The following KRAS variants were observed in gnomAD, a reference collection of about 807,000 sequenced individuals.
KRAS encodes the protein KRas proto-oncogene, GTPase.
KRAS carries 1 observed loss-of-function variant against 21.0 expected under a neutral mutation model. The ratio of observed to expected loss-of-function variants is 0.05; its 90% CI spans 0.02 to 0.23. KRAS has a LOEUF of 0.23. Among genes scored for constraint, KRAS ranks in the 10% least tolerant of loss-of-function variants. The probability of loss-of-function intolerance (pLI) is 1.00; values close to 1 mark genes in which losing one functional copy is unlikely to be tolerated. For synonymous variants in KRAS, 67 were observed against 72.5 expected, an observed-to-expected ratio of 0.92 and a Z score of 0.39; for missense variants, 107 against 221.8, an observed-to-expected ratio of 0.48 and a Z score of 3.29.
intron 2 of KRAS, among the ~76,000 whole-genome samples, chr12:25,243,420 G>A (rs2135803646): frequency 6.6e-6 from 1 of 152,326 alleles, no homozygotes; most frequent in South Asian, 2.1e-4. Flanking sequence ...GAAATCATAA[G>A]CAGAGTTATA....
chr12:25,227,103 T>C lies in KRAS; in HGVS notation c.290+131A>G. 1.7e-5 allele frequency: 10 copies of C among 600,404 alleles called. No homozygotes were observed. In the Middle Eastern group the frequency reaches 3.7e-3, roughly 224 times the overall value. The allele number at this position is 600,404 out of a possible 1,614,324, so 37.2% of individuals were successfully genotyped here. ...AAGAACTTCATTTATAAAACAGGGA[T>C]ATTACCTACCTCATAAACATTATTT... On this transcript the variant is annotated intron_variant, in intron 3 of 4. Transcript: ENST00000311936.
chr12:25,246,732 C>T (rs535056277), intron 1 of KRAS, among the ~76,000 whole-genome samples: 2 of 151,624 alleles, frequency 1.3e-5, no homozygotes, highest in African/African-American at 2.4e-5. Flanking sequence ...CTGGCTAACC[C>T]GGTGAAACCC....
intron 3 of KRAS, 123 bp from the exon 4 acceptor site, chr12:25,225,896 C>T (rs1951386529): frequency 2.3e-6 from 2 of 853,556 alleles, no homozygotes; most frequent in African/African-American, 1.7e-5. Context: ...GTTTCCACTA[C>T]ACCAAATTTT....
rs539975727 is a variant in KRAS at position 25,242,594 on chromosome 12, C to T, written c.111+2680G>A. 1.1e-4 allele frequency among the ~76,000 whole-genome samples: 17 copies of T among 152,266 alleles called. No homozygotes were observed. In the South Asian group the frequency reaches 3.5e-3, roughly 32 times the overall value. On this transcript the variant is annotated intron_variant, in intron 2 of 4. Transcript: ENST00000311936. ...ATACAAGTAAAGGTGATTATGTGCA[C>T]AGCCTCGAATACAAACATACTCCAT...
intron 2 of KRAS, among the ~76,000 whole-genome samples, chr12:25,233,391 A>T (rs1951501211): frequency 6.6e-6 from 1 of 152,160 alleles, no homozygotes; most frequent in African/African-American, 2.4e-5. Flanking sequence ...TCAAAAATAC[A>T]AAAAATACAA....
chr12:25,206,993 T>A lies in KRAS; in HGVS notation c.*2802A>T, dbSNP rs186623679. On this transcript the variant is annotated 3_prime_UTR_variant, in exon 5 of 5. Coordinates refer to ENST00000311936, the MANE Select transcript of KRAS (RefSeq NM_004985.5). ...AATGAAGTGATTTACATAAAGTAGCTTGATCGAAGAGTTTCAGTGGAATCG... is the reference window on the plus strand; with the variant it reads ...AATGAAGTGATTTACATAAAGTAGCATGATCGAAGAGTTTCAGTGGAATCG... 4.8e-6 allele frequency: 1 copy of A among 206,720 alleles called. No individual in the cohort carries two copies. The highest frequency in any genetic ancestry group is 5.9e-5 in the Admixed American group (1 of 16,842). The allele number at this position is 206,720 out of a possible 1,614,324, so 12.8% of individuals were successfully genotyped here.
chr12:25,245,473 C>T, intron 1 of KRAS, 78 bp from the exon 2 acceptor site: 1 of 1,354,638 alleles, frequency 7.4e-7, no homozygotes, highest in South Asian at 1.3e-5. Flanking sequence ...AAATACTCCA[C>T]CAGTACCTTT....
rs2141506296 is a variant in KRAS at position 25,225,724 on chromosome 12, C to T, written c.340G>A (p.Val114Ile). The T allele has an allele frequency of 6.2e-7, 1 of 1,613,152 alleles. No individual in the cohort carries two copies. Among genetic ancestry groups the T allele is most frequent in the African/African-American group, 1.3e-5 (1 of 74,988 alleles). The change falls in exon 4 of 5, where the codon GTA (valine) becomes ATA (isoleucine). Residue 114 changes from valine (V) to isoleucine (I), a missense_variant. Physicochemically the swap from Val to Ile is conservative, Grantham distance 29 (BLOSUM62 3). Around this residue, in one of 2 missense-constraint regions of KRAS, gnomAD observed 42 missense variants for 139.4 expected, o/e 0.30. Coordinates refer to ENST00000311936, the MANE Select transcript of KRAS (RefSeq NM_004985.5). ...GAAGGCAAATCACATTTATTTCCTA[C>T]TAGGACCATAGGTACATCTTCAGAG... is the stretch of plus-strand genomic sequence containing the variant. ...KDSEDVPMVL[V>I]GNKCDLPSRT...
At chr12:25,247,527 A>C (rs1951699661) in intron 1 of KRAS, among the ~76,000 whole-genome samples, 1 of 152,186 alleles carries the variant, frequency 6.6e-6, no homozygotes, top group African/African-American at 2.4e-5. Context: ...GCAATTAGGA[A>C]TAGATGAGGA....
chr12:25,223,855 G>T (rs961399146), intron 4 of KRAS, among the ~76,000 whole-genome samples: 1 of 151,884 alleles, frequency 6.6e-6, no homozygotes, highest in Non-Finnish European at 1.5e-5. Flanking sequence ...TACAAAACTG[G>T]TTTTCTGGGC....
intron 2 of KRAS, among the ~76,000 whole-genome samples, chr12:25,237,497 G>C (rs1413808941): frequency 6.6e-6 from 1 of 152,264 alleles, no homozygotes; most frequent in East Asian, 1.9e-4. Context: ...TGTACTCATG[G>C]GTTGTCCTGG....
intron 2 of KRAS, among the ~76,000 whole-genome samples, chr12:25,231,708 T>C (rs1261223801): frequency 6.6e-6 from 1 of 152,164 alleles, no homozygotes; most frequent in African/African-American, 2.4e-5. Context: ...TCATAAATAA[T>C]ACTGTTGATT....
At chr12:25,224,135 T>C (rs1181835809) in intron 4 of KRAS, among the ~76,000 whole-genome samples, 1 of 140,446 alleles carries the variant, frequency 7.1e-6, no homozygotes, top group Non-Finnish European at 1.5e-5. Context: ...AGTTGTATAA[T>C]GGTATAGCAC....
At position 25,227,305 on chromosome 12, in the gene KRAS, C is replaced by T. The variant is rs104886027; in HGVS notation, c.219G>A (p.Arg73=). ...ATACACAAAGAAAGCCCTCCCCAGT[C>T]CTCATGTACTGGTCCCTCATTGCAC... ...EYSAMRDQYM[R]TGEGFLCVFA... Residue 73 remains arginine, a synonymous_variant, in exon 3 of 5, where the codon AGG becomes AGA. Coordinates refer to ENST00000311936, the MANE Select transcript of KRAS (RefSeq NM_004985.5). The T allele has an allele frequency of 6.2e-7, 1 of 1,612,608 alleles. No homozygotes were observed. Among genetic ancestry groups the T allele is most frequent in the Non-Finnish European group, 8.5e-7 (1 of 1,178,644 alleles).
chr12:25,206,111 G>GAA lies in KRAS; in HGVS notation c.*3682_*3683dup, dbSNP rs142323886. ...CTGTTTGAAGAAAAAATGTTTAGAAGAAAAAAAAAATCAATGGAATACAAA... is the reference window on the plus strand; with the variant it reads ...CTGTTTGAAGAAAAAATGTTTAGAAGAAAAAAAAAAAATCAATGGAATACAAA... On this transcript the variant is annotated 3_prime_UTR_variant, in exon 5 of 5. Coordinates refer to ENST00000311936, the MANE Select transcript of KRAS (RefSeq NM_004985.5). 43 of 206,860 alleles carry GAA rather than the reference G, an allele frequency of 2.1e-4. No individual in the cohort carries two copies. Among genetic ancestry groups the GAA allele is most frequent in the Middle Eastern group, 1.5e-3 (1 of 658 alleles). The allele number at this position is 206,860 out of a possible 1,614,324, so 12.8% of individuals were successfully genotyped here. A position where few individuals can be genotyped will look rare whatever the true frequency, so the allele number is the denominator to read the frequency against.
At chr12:25,214,161 G>A (rs1345295428) in intron 4 of KRAS, among the ~76,000 whole-genome samples, 1 of 152,176 alleles carries the variant, frequency 6.6e-6, no homozygotes, top group African/African-American at 2.4e-5. Flanking sequence ...GAGAGTGTTA[G>A]CTAATTAGTA....
intron 4 of KRAS, among the ~76,000 whole-genome samples, chr12:25,221,467 C>A (rs1951325033): frequency 6.6e-6 from 1 of 152,170 alleles, no homozygotes; most frequent in South Asian, 2.1e-4. Context: ...CTCCTGACCT[C>A]AGGTGGTGTG....
chr12:25,223,914 T>C (rs1951357693), intron 4 of KRAS, among the ~76,000 whole-genome samples: 1 of 152,112 alleles, frequency 6.6e-6, no homozygotes, highest in South Asian at 2.1e-4. Context: ...TGATGGAATA[T>C]AGATGGATCA....
At chr12:25,244,388 G>A (rs1444759622) in intron 2 of KRAS, among the ~76,000 whole-genome samples, 1 of 152,170 alleles carries the variant, frequency 6.6e-6, no homozygotes, top group African/African-American at 2.4e-5. Context: ...CATCTCCACT[G>A]ATGTTAAATT....
Sources: gnomAD v4.1 joint callset for allele counts (sites outside exome capture counted in the v4.1 genomes callset) on GRCh38, gnomAD v4.1.1 for gene constraint, gnomAD v4.1.1 regional missense constraint, MANE v1.5 for transcripts, NCBI Gene and HGNC (gene_info 2026-07-23, HGNC 2026-07-21) for gene names.